ADCY1: variants seen among roughly 807,000 people sequenced by gnomAD.
ADCY1 encodes the protein adenylate cyclase type 1.
Under a neutral mutation model 105.4 loss-of-function variants are expected in ADCY1, and 28 were observed. The observed-to-expected ratio is 0.27, with a 90% CI of 0.20 to 0.36. The LOEUF is 0.36. Ranked by LOEUF, ADCY1 falls within the 10% of genes least tolerant of loss-of-function variation. The pLI, the probability that ADCY1 is intolerant of heterozygous loss-of-function variation, is 1.00. For synonymous variants in ADCY1, 655 were observed against 623.8 expected, an observed-to-expected ratio of 1.05 and a Z score of -0.75; for missense variants, 977 against 1,434.2, an observed-to-expected ratio of 0.68 and a Z score of 5.15.
In ADCY1 at chr7:45,575,001, C is replaced by A; in HGVS notation, c.458C>A (p.Ala153Asp). The change falls in exon 1 of 20, where the codon GCT (alanine) becomes GAT (aspartate). Residue 153 changes from alanine to aspartate, a missense_variant. By Grantham distance (126) the Ala-to-Asp change is moderately radical. Coordinates refer to ENST00000297323, the MANE Select transcript of ADCY1 (RefSeq NM_021116.4). This position sits in a 1 kb window ranked among gnomAD's most constrained non-coding sequence, Gnocchi z 4.7. ...GGPARGSAGAAGGPATAEQGV... is the reference protein window; with the variant it reads ...GGPARGSAGADGGPATAEQGV... ...CCCGCCCGGGGTTCCGCCGGGGCCG[C>A]TGGGGGGCCAGCGACCGCCGAACAA... 1 of 1,611,240 alleles carries A rather than the reference C, an allele frequency of 6.2e-7. No individual in the cohort carries two copies. Among genetic ancestry groups the A allele is most frequent in the Non-Finnish European group, 8.5e-7 (1 of 1,179,176 alleles).
intron 4 of ADCY1, among the ~76,000 whole-genome samples, chr7:45,626,412 C>T (rs992547462): frequency 1.3e-5 from 2 of 152,242 alleles, no homozygotes; most frequent in East Asian, 1.9e-4. Context: ...GAGTCAGCCC[C>T]GTGGAGCCTC....
chr7:45,678,396 C>A, intron 10 of ADCY1, 133 bp downstream of exon 10: 1 of 818,544 alleles, frequency 1.2e-6, no homozygotes, highest in Non-Finnish European at 2.0e-6. Context: ...GTTATTGTCC[C>A]AATGTGCCCA....
Position 45,588,869 on chromosome 7 carries a change from ATGTGTGTG to A in ADCY1, c.640-3872_640-3865del, listed in dbSNP as rs55962124. On this transcript the variant is annotated intron_variant, in intron 1 of 19. Transcript: ENST00000297323. ...TTGACACACCCCCATCATTGCGTGT[ATGTGTGTG>A]TGTGTGTGTGTGTGTGTATGTGTGT... Among the ~76,000 whole-genome samples, 486 of 149,154 alleles carry A rather than the reference ATGTGTGTG, an allele frequency of 3.3e-3. 5 individuals are homozygous for A. The highest frequency in any genetic ancestry group is 0.011 in the African/African-American group (461 of 40,482).
At chr7:45,705,748 G>C (rs1785106330) in intron 17 of ADCY1, among the ~76,000 whole-genome samples, 1 of 152,176 alleles carries the variant, frequency 6.6e-6, no homozygotes, top group South Asian at 2.1e-4. Context: ...CATACAGACT[G>C]AGAAGGAATC....
At chr7:45,669,016 T>C (rs973098522) in intron 8 of ADCY1, among the ~76,000 whole-genome samples, 1 of 152,234 alleles carries the variant, frequency 6.6e-6, no homozygotes, top group Non-Finnish European at 1.5e-5. Flanking sequence ...TTGATTCTTC[T>C]CTCTTTTCTT....
chr7:45,578,443 G>A (rs1792416730), intron 1 of ADCY1, among the ~76,000 whole-genome samples: 1 of 152,200 alleles, frequency 6.6e-6, no homozygotes, highest in Non-Finnish European at 1.5e-5. Flanking sequence ...AGAACTGAAA[G>A]CATCCTATTC....
intron 4 of ADCY1, among the ~76,000 whole-genome samples, chr7:45,624,566 T>C (rs1199751754): frequency 1.3e-5 from 2 of 152,194 alleles, no homozygotes; most frequent in Non-Finnish European, 2.9e-5. Context: ...ACAGGAATTT[T>C]TGTGGGCAGT....
chr7:45,593,132 G>A (rs925345290), intron 2 of ADCY1, among the ~76,000 whole-genome samples: 1 of 152,208 alleles, frequency 6.6e-6, no homozygotes, highest in Admixed American at 6.5e-5. Flanking sequence ...TTGGGATGGG[G>A]CTGCTTTGGG....
Position 45,575,085 on chromosome 7 carries a change from G to A in ADCY1, c.542G>A (p.Ser181Asn). 1 of 1,612,794 alleles carries A rather than the reference G, an allele frequency of 6.2e-7. No individual in the cohort carries two copies. The highest frequency in any genetic ancestry group is 8.5e-7 in the Non-Finnish European group (1 of 1,179,922). ...TCCTATGCCTTGCTGCCCGTGCGCAGCCTGCTGGCCATAGGCTTTGGGCTC... is the reference window on the plus strand; with the variant it reads ...TCCTATGCCTTGCTGCCCGTGCGCAACCTGCTGGCCATAGGCTTTGGGCTC... Reference protein sequence around the residue: ...FVSYALLPVRSLLAIGFGLVV... With the variant: ...FVSYALLPVRNLLAIGFGLVV... The change falls in exon 1 of 20, where the codon AGC becomes AAC. Residue 181 changes from serine to asparagine, a missense_variant. Physicochemically the swap from Ser to Asn is conservative, Grantham distance 46. This residue lies in a region of ADCY1 where 196 missense variants were observed against 347.8 expected (regional missense o/e 0.56). Coordinates refer to ENST00000297323, the MANE Select transcript of ADCY1 (RefSeq NM_021116.4). The surrounding 1 kb of genome is among the most constrained non-coding windows in gnomAD (Gnocchi z 4.7).
intron 14 of ADCY1, among the ~76,000 whole-genome samples, chr7:45,694,342 C>A (rs1196819706): frequency 6.6e-6 from 1 of 152,054 alleles, no homozygotes; most frequent in Non-Finnish European, 1.5e-5. Flanking sequence ...TCTGAGAAAT[C>A]CTCAGCTAAA....
chr7:45,686,866 G>A lies in ADCY1; in HGVS notation c.2454+193G>A, dbSNP rs534211280. 3.3e-5 allele frequency among the ~76,000 whole-genome samples: 5 copies of A among 152,318 alleles called. No homozygotes were observed. In the East Asian group the frequency reaches 9.7e-4, roughly 30 times the overall value. ...TATGCTGGGGGTGCAGGGAGTGGGA[G>A]CCATGCCTCGTGAGAGGACAGTTCA... On this transcript the variant is annotated intron_variant, in intron 14 of 19. Coordinates refer to ENST00000297323, the MANE Select transcript of ADCY1 (RefSeq NM_021116.4). This position sits in a 1 kb window ranked among gnomAD's most constrained non-coding sequence, Gnocchi z 4.3.
intron 2 of ADCY1, among the ~76,000 whole-genome samples, chr7:45,599,281 G>A (rs1422736104): frequency 6.6e-6 from 1 of 152,100 alleles, no homozygotes; most frequent in Admixed American, 6.5e-5. Context: ...GGTGTCGGGG[G>A]CATCCCCCTC....
intron 4 of ADCY1, among the ~76,000 whole-genome samples, chr7:45,627,953 C>T (rs1794110151): frequency 6.6e-6 from 1 of 152,244 alleles, no homozygotes; most frequent in South Asian, 2.1e-4. Flanking sequence ...TCCCCAAGAC[C>T]CCCGGCGCCC....
At chr7:45,622,843 GA>G in intron 4 of ADCY1, 100 bp downstream of exon 4, 1 of 882,296 alleles carries the variant, frequency 1.1e-6, no homozygotes, top group Non-Finnish European at 1.8e-6. Flanking sequence ...GAACTAGACT[GA>G]TTGCTAAGCA....
intron 14 of ADCY1, among the ~76,000 whole-genome samples, chr7:45,695,260 A>C (rs143147724): frequency 1.3e-4 from 20 of 152,312 alleles, no homozygotes; most frequent in African/African-American, 3.1e-4. Context: ...AGGAGGGCAA[A>C]TTGAATTCCT....
At position 45,677,849 on chromosome 7, in the gene ADCY1, T is replaced by C. The variant is rs767784794; in HGVS notation, c.1606-20T>C. 4 of 1,608,562 alleles carry C rather than the reference T, an allele frequency of 2.5e-6. No homozygotes were observed. In the African/African-American group the frequency reaches 4.0e-5, roughly 16 times the overall value. On this transcript the variant is annotated intron_variant, in intron 8 of 19. Transcript: ENST00000297323. ...AGTGGAGAATTTGATGATACTCCTTTATTTCCATGATGGCTCCAGCGGAGG... is the reference window on the plus strand; with the variant it reads ...AGTGGAGAATTTGATGATACTCCTTCATTTCCATGATGGCTCCAGCGGAGG...
intron 4 of ADCY1, among the ~76,000 whole-genome samples, chr7:45,629,535 G>A (rs1051246699): frequency 3.4e-5 from 5 of 146,624 alleles, no homozygotes; most frequent in South Asian, 2.2e-4. Context: ...TTTTTGAGAC[G>A]GAGTCTCGCT....
At chr7:45,702,330 G>A (rs1443132564) in intron 14 of ADCY1, among the ~76,000 whole-genome samples, 2 of 152,168 alleles carry the variant, frequency 1.3e-5, no homozygotes, top group East Asian at 3.9e-4. Flanking sequence ...TTACAATAAG[G>A]AAACCACGGC....
chr7:45,677,452 G>A (rs1399892339), intron 8 of ADCY1, among the ~76,000 whole-genome samples: 1 of 152,172 alleles, frequency 6.6e-6, no homozygotes, highest in South Asian at 2.1e-4. Flanking sequence ...AGAGACTGGT[G>A]AAGCCACTCC....
Sources: gnomAD v4.1 joint callset for allele counts (sites outside exome capture counted in the v4.1 genomes callset) on GRCh38, gnomAD v4.1.1 for gene constraint, gnomAD v4.1.1 regional missense constraint, Gnocchi (gnomAD v3.1) non-coding constraint, MANE v1.5 for transcripts, NCBI Gene and HGNC (gene_info 2026-07-23, HGNC 2026-07-21) for gene names.